Variants in FAT3 observed in about 807,000 individuals in gnomAD.
The protein encoded by FAT3 is protocadherin Fat 3.
FAT3 carries 95 observed loss-of-function variants against 310.2 expected under a neutral mutation model. The ratio of observed to expected loss-of-function variants is 0.31; its 90% CI spans 0.26 to 0.36. The LOEUF is 0.36. Ranked by LOEUF, FAT3 falls within the 10% of genes least tolerant of loss-of-function variation. FAT3 has a pLI of 1.00. For synonymous variants in FAT3, 2,314 were observed against 2,192.9 expected, an observed-to-expected ratio of 1.06 and a Z score of -1.54; for missense variants, 5,408 against 5,715.6, an observed-to-expected ratio of 0.95 and a Z score of 1.74.
chr11:92,571,225 A>C (rs1279751640), intron 3 of FAT3, among the ~76,000 whole-genome samples: 1 of 152,180 alleles, frequency 6.6e-6, no homozygotes, highest in Non-Finnish European at 1.5e-5. Context: ...AACTGGATGG[A>C]CAAGATACAT....
rs1429534784 is a variant in FAT3, at chr11:92,835,024, C to G, written c.10026C>G (p.Ser3342Arg). 3 of 1,613,732 alleles carry G rather than the reference C, an allele frequency of 1.9e-6. No individual in the cohort carries two copies. The highest frequency in any genetic ancestry group is 2.5e-6 in the Non-Finnish European group (3 of 1,179,800). The change falls in exon 15 of 28, where the codon AGC (serine) becomes AGG (arginine). Residue 3342 changes from serine (S) to arginine (R), a missense_variant. Physicochemically the swap from Ser to Arg is moderately radical, Grantham distance 110 (BLOSUM62 -1). Around this residue, in one of 5 missense-constraint regions of FAT3, gnomAD observed 4,588 missense variants for 4,809.8 expected, o/e 0.95. Transcript: ENST00000525166. ...TTAATGACAACCCTCCCAAGTTCAG[C>G]CAAGACGTCTACAGTGCGGTTATCA... Reference protein sequence around the residue: ...TDVNDNPPKFSQDVYSAVISE... With the variant: ...TDVNDNPPKFRQDVYSAVISE...
chr11:92,845,620 CCTCT>C (rs1442356760), intron 19 of FAT3, among the ~76,000 whole-genome samples: 15 of 152,146 alleles, frequency 9.9e-5, no homozygotes, highest in Non-Finnish European at 4.4e-5. Flanking sequence ...GAAGCATTGC[CCTCT>C]CTCTCTTTTC....
intron 6 of FAT3, among the ~76,000 whole-genome samples, chr11:92,771,970 C>CA (rs1946470172): frequency 1.3e-5 from 2 of 152,086 alleles, no homozygotes; most frequent in African/African-American, 4.8e-5. Flanking sequence ...AACAGTAACT[C>CA]AAACTGGAAT....
chr11:92,638,855 T>C (rs1170247405), intron 3 of FAT3, among the ~76,000 whole-genome samples: 1 of 152,158 alleles, frequency 6.6e-6, no homozygotes, highest in Non-Finnish European at 1.5e-5. Context: ...GGTCTGGTAG[T>C]GATATTAGTC....
rs558951138 is a variant in FAT3 at position 92,693,778 on chromosome 11, G to A, written c.3608-3606G>A. Among the ~76,000 whole-genome samples, 18 of 152,256 alleles carry A rather than the reference G, an allele frequency of 1.2e-4. No homozygotes were observed. In the South Asian group the frequency reaches 3.7e-3, roughly 32 times the overall value. The stretch of plus-strand genomic sequence containing the variant: ...TTTATCAAGATTTTGATAACAAGAT[G>A]TATTTATTTATTTTCAACTGCAAAT... On this transcript the variant is annotated intron_variant, in intron 3 of 27. Transcript: ENST00000525166.
chr11:92,581,603 G>C (rs942043572), intron 3 of FAT3, among the ~76,000 whole-genome samples: 14 of 151,982 alleles, frequency 9.2e-5, no homozygotes, highest in African/African-American at 3.4e-4. Flanking sequence ...TCCTCTGATT[G>C]TTCTAGGAAT....
intron 1 of FAT3, among the ~76,000 whole-genome samples, chr11:92,297,483 G>A (rs1291225520): frequency 6.6e-6 from 1 of 151,972 alleles, no homozygotes; most frequent in Non-Finnish European, 1.5e-5. Context: ...ACCATCAAAT[G>A]ACAACTGTCA....
At chr11:92,818,110 G>C (rs1947869366) in intron 13 of FAT3, among the ~76,000 whole-genome samples, 1 of 152,136 alleles carries the variant, frequency 6.6e-6, no homozygotes, top group African/African-American at 2.4e-5. Flanking sequence ...CTTTAAATTT[G>C]ATAGCCAAAG....
At chr11:92,402,164 G>T (rs1421568014) in intron 2 of FAT3, among the ~76,000 whole-genome samples, 1 of 151,996 alleles carries the variant, frequency 6.6e-6, no homozygotes, top group African/African-American at 2.4e-5. Flanking sequence ...AAAAGTAAAT[G>T]AAATTAAAAA....
chr11:92,581,170 T>A (rs985137686), intron 3 of FAT3, among the ~76,000 whole-genome samples: 5 of 152,132 alleles, frequency 3.3e-5, no homozygotes, highest in African/African-American at 1.2e-4. Context: ...ATACTCCAGA[T>A]CCTACTAGGG....
intron 3 of FAT3, among the ~76,000 whole-genome samples, chr11:92,581,186 G>A (rs957543717): frequency 6.6e-6 from 1 of 152,036 alleles, no homozygotes; most frequent in African/African-American, 2.4e-5. Context: ...TAGGGTTACA[G>A]AGCTTTGCTG....
intron 4 of FAT3, among the ~76,000 whole-genome samples, chr11:92,724,354 G>C (rs1279402816): frequency 1.3e-5 from 2 of 152,106 alleles, no homozygotes; most frequent in Admixed American, 1.3e-4. Flanking sequence ...TTCAGGATCT[G>C]GACTTGCACC....
At chr11:92,508,283 TA>T (rs1953180407) in intron 2 of FAT3, among the ~76,000 whole-genome samples, 1 of 152,110 alleles carries the variant, frequency 6.6e-6, no homozygotes, top group Non-Finnish European at 1.5e-5. Flanking sequence ...TTGGTAAACA[TA>T]AAATCACCTG....
At chr11:92,750,093 G>C (rs1395415439) in intron 4 of FAT3, among the ~76,000 whole-genome samples, 1 of 152,182 alleles carries the variant, frequency 6.6e-6, no homozygotes, top group Non-Finnish European at 1.5e-5. Flanking sequence ...CACATTGGAA[G>C]CCTTCTTGCT....
chr11:92,285,535 C>CACACA (rs1296850998), intron 1 of FAT3, among the ~76,000 whole-genome samples: 3 of 152,116 alleles, frequency 2.0e-5, no homozygotes, highest in African/African-American at 4.8e-5. Context: ...ATTCTTACAA[C>CACACA]ACTATTGTAG....
intron 1 of FAT3, among the ~76,000 whole-genome samples, chr11:92,254,876 T>G (rs1184120456): frequency 6.6e-6 from 1 of 152,070 alleles, no homozygotes; most frequent in Non-Finnish European, 1.5e-5. Context: ...CAGCTAATTT[T>G]TGTATTTTTA....
chr11:92,445,219 C>G (rs1313709921), intron 2 of FAT3, among the ~76,000 whole-genome samples: 3 of 152,196 alleles, frequency 2.0e-5, no homozygotes, highest in African/African-American at 7.2e-5. Context: ...AACTAATACA[C>G]TAATACACTG....
chr11:92,271,023 T>A (rs182486577), intron 1 of FAT3, among the ~76,000 whole-genome samples: 4 of 152,172 alleles, frequency 2.6e-5, no homozygotes, highest in Admixed American at 2.6e-4. Flanking sequence ...TTTTTGTTAT[T>A]ATAACCCCTG....
intron 19 of FAT3, among the ~76,000 whole-genome samples, chr11:92,852,762 C>T (rs1285667814): frequency 6.6e-6 from 1 of 152,088 alleles, no homozygotes; most frequent in East Asian, 1.9e-4. Context: ...ACAGTTTTCA[C>T]AGTGGGGACT....
Sources: gnomAD v4.1 joint callset for allele counts (sites outside exome capture counted in the v4.1 genomes callset) on GRCh38, gnomAD v4.1.1 for gene constraint, gnomAD v4.1.1 regional missense constraint, MANE v1.5 for transcripts, NCBI Gene and HGNC (gene_info 2026-07-23, HGNC 2026-07-21) for gene names.